CSNK2A2: variants seen among roughly 807,000 people sequenced by gnomAD.
CSNK2A2 encodes casein kinase 2 alpha 2.
CSNK2A2 carries 8 observed loss-of-function variants against 54.0 expected under a neutral mutation model. That is an observed-to-expected ratio of 0.15 (90% CI 0.09 to 0.27). The LOEUF (loss-of-function observed/expected upper bound fraction) is 0.27. Among genes scored for constraint, CSNK2A2 ranks in the 10% least tolerant of loss-of-function variants. The pLI is 1.00. For missense variants in CSNK2A2, 242 were observed against 439.4 expected (o/e 0.55, Z 4.02); for synonymous variants, 141 against 153.9 (o/e 0.92, Z 0.62).
At chr16:58,163,373 T>A (rs1567462127) in intron 11 of CSNK2A2, 1 of 152,140 alleles carries the variant, frequency 6.6e-6, no homozygotes, top group Non-Finnish European at 1.5e-5. Context: ...CATGGAACTT[T>A]TGATGATAAC....
chr16:58,169,606 A>C (rs951770331), intron 5 of CSNK2A2, among the ~76,000 whole-genome samples: 1 of 152,188 alleles, frequency 6.6e-6, no homozygotes, highest in South Asian at 2.1e-4. Context: ...TTCAAAGGAC[A>C]GACCAGCATC....
chr16:58,182,661 T>C (rs1221281027), intron 4 of CSNK2A2, among the ~76,000 whole-genome samples: 1 of 152,060 alleles, frequency 6.6e-6, no homozygotes, highest in Non-Finnish European at 1.5e-5. Flanking sequence ...ATTTAAAACT[T>C]GGGGAATTAC....
rs1207673654 is a variant in CSNK2A2, at chr16:58,178,899, TAGG to T, written c.370-4392_370-4390del. On this transcript the variant is annotated intron_variant, in intron 4 of 11. Transcript: ENST00000262506. ...CAAATTCCAAATAATTAACATTATA[TAGG>T]TCACGTTCTCTGAACATAGTGCAAT... Among the ~76,000 whole-genome samples, 12 of 152,318 alleles carry T rather than the reference TAGG, an allele frequency of 7.9e-5. No individual in the cohort carries two copies. The East Asian group carries it at 1.9e-3, about 24-fold the overall frequency.
chr16:58,162,094 G>C (rs3803584), intron 11 of CSNK2A2: 1 of 151,456 alleles, frequency 6.6e-6, no homozygotes, highest in Non-Finnish European at 1.5e-5. Flanking sequence ...AAAAAAAAAG[G>C]GAGGGCTGAG....
At chr16:58,196,981 A>C in intron 1 of CSNK2A2, 137 bp from the exon 2 acceptor site, 1 of 701,660 alleles carries the variant, frequency 1.4e-6, no homozygotes, top group Non-Finnish European at 2.6e-6. Context: ...CTCATTCCCT[A>C]AATGAAAGCC....
intron 2 of CSNK2A2, among the ~76,000 whole-genome samples, chr16:58,192,269 C>T (rs1343328212): frequency 6.6e-6 from 1 of 152,130 alleles, no homozygotes; most frequent in East Asian, 1.9e-4. Context: ...AAATTAAACT[C>T]TAGAAACTAT....
intron 4 of CSNK2A2, among the ~76,000 whole-genome samples, chr16:58,183,750 A>G (rs1290506925): frequency 6.6e-6 from 1 of 152,084 alleles, no homozygotes; most frequent in Non-Finnish European, 1.5e-5. Flanking sequence ...AAAATAATTT[A>G]CATTATAAGA....
At chr16:58,175,461 G>C (rs1028933325) in intron 4 of CSNK2A2, among the ~76,000 whole-genome samples, 29 of 152,120 alleles carry the variant, frequency 1.9e-4, no homozygotes, top group Admixed American at 1.9e-3. Flanking sequence ...AATCTCTCCA[G>C]GGAACACAGA....
intron 3 of CSNK2A2, among the ~76,000 whole-genome samples, chr16:58,184,931 T>C (rs766988659): frequency 2.0e-5 from 3 of 152,168 alleles, no homozygotes; most frequent in Admixed American, 1.3e-4. Flanking sequence ...CCATTAAAGA[T>C]TGTCTCATCT....
chr16:58,195,846 G>A lies in CSNK2A2; in HGVS notation c.216+887C>T, dbSNP rs565905278. Among the ~76,000 whole-genome samples, 37 of 152,196 alleles carry A rather than the reference G, an allele frequency of 2.4e-4. 1 individual carries two copies. Among genetic ancestry groups the A allele is most frequent in the Middle Eastern group, 3.4e-3 (1 of 294 alleles). On this transcript the variant is annotated intron_variant, in intron 2 of 11. Transcript: ENST00000262506. ...AATTATTACTTTAGTAATTATACAT[G>A]AACTCTTCTATATTTTTACTAGCTT...
intron 3 of CSNK2A2, among the ~76,000 whole-genome samples, chr16:58,185,560 A>G (rs1213072755): frequency 1.3e-5 from 2 of 152,198 alleles, no homozygotes; most frequent in Admixed American, 1.3e-4. Flanking sequence ...TCTGAAATTC[A>G]TATTTTTACA....
intron 2 of CSNK2A2, among the ~76,000 whole-genome samples, chr16:58,195,400 A>C (rs1191838054): frequency 6.6e-6 from 1 of 152,178 alleles, no homozygotes; most frequent in East Asian, 1.9e-4. Context: ...CTGAAAGATG[A>C]TTACCAGAAA....
At chr16:58,165,762 T>C in intron 9 of CSNK2A2, 54 bp from the exon 10 acceptor site, 2 of 1,571,132 alleles carry the variant, frequency 1.3e-6, no homozygotes, top group Non-Finnish European at 1.7e-6. Context: ...ACAAGAATCC[T>C]TATCTACTAG....
intron 2 of CSNK2A2, among the ~76,000 whole-genome samples, chr16:58,188,899 C>T (rs1426151886): frequency 6.7e-6 from 1 of 149,192 alleles, no homozygotes; most frequent in Non-Finnish European, 1.5e-5. Flanking sequence ...GGAATTCCTG[C>T]AACTTTTTTT....
intron 7 of CSNK2A2, 75 bp downstream of exon 7, chr16:58,167,610 G>T (rs1400046455): frequency 3.5e-6 from 4 of 1,148,420 alleles, no homozygotes; most frequent in Non-Finnish European, 5.2e-6. Context: ...TATTCAAACT[G>T]ACTAGATCAA....
Position 58,167,322 on chromosome 16 carries a change from G to A in CSNK2A2, c.625-14C>T, listed in dbSNP as rs773484737. ...ATAATCATACATCTGAGGCAATAAG[G>A]ACAACGCATTAGCCAAGGGTATTAG... is the stretch of plus-strand genomic sequence containing the variant. On this transcript the variant is annotated splice_polypyrimidine_tract_variant and intron_variant, in intron 7 of 11. Transcript: ENST00000262506. 1.1e-5 allele frequency: 17 copies of A among 1,581,600 alleles called. 1 individual carries two copies. The Admixed American group carries it at 1.7e-4, about 16-fold the overall frequency.
At chr16:58,184,194 C>T (rs903311769) in intron 4 of CSNK2A2, 66 bp downstream of exon 4, 1 of 1,285,682 alleles carries the variant, frequency 7.8e-7, no homozygotes, top group Non-Finnish European at 1.1e-6. Flanking sequence ...TTCTGGAGTA[C>T]ACAGTATTTA....
Position 58,184,286 on chromosome 16 carries a change from C to T in CSNK2A2, c.343G>A (p.Glu115Lys). The T allele has an allele frequency of 6.2e-7, 1 of 1,603,804 alleles. No homozygotes were observed. Among genetic ancestry groups the T allele is most frequent in the Non-Finnish European group, 8.5e-7 (1 of 1,172,716 alleles). Reference sequence around the variant, plus strand: ...TTAAAATCTGTATTATTGATATATTCAAATACCAAAGCTGGTGTCTTTGAC... The same window carrying T: ...TTAAAATCTGTATTATTGATATATTTAAATACCAAAGCTGGTGTCTTTGAC... ...PVSKTPALVF[E>K]YINNTDFKQL... Residue 115 changes from glutamate to lysine, a missense_variant, in exon 4 of 12, where the codon GAA becomes AAA. Around this residue, in one of 5 missense-constraint regions of CSNK2A2, gnomAD observed 69 missense variants for 97.0 expected, o/e 0.71. Coordinates refer to ENST00000262506, the MANE Select transcript of CSNK2A2 (RefSeq NM_001896.4).
intron 2 of CSNK2A2, among the ~76,000 whole-genome samples, chr16:58,193,805 C>T (rs531555475): frequency 1.3e-5 from 2 of 152,276 alleles, no homozygotes; most frequent in South Asian, 2.1e-4. Flanking sequence ...CCATTTTCCT[C>T]CTCCTTTTTC....
Sources: allele counts gnomAD v4.1 joint callset (sites outside exome capture counted in the v4.1 genomes callset), GRCh38; gene constraint gnomAD v4.1.1; regional missense constraint gnomAD v4.1.1; transcripts MANE v1.5; gene names NCBI Gene and HGNC (gene_info 2026-07-23, HGNC 2026-07-21).